Variants in AFG1L observed in about 807,000 individuals in gnomAD.
AFG1L encodes AFG1-like ATPase.
A neutral mutation model predicts 62.2 loss-of-function variants in AFG1L; 53 were observed. The observed-to-expected ratio is 0.85, with a 90% confidence interval of 0.68 to 1.07. AFG1L has a LOEUF of 1.07. AFG1L is among the 50% of genes least tolerant of loss of function. The pLI is 0.00. For missense variants in AFG1L, 555 were observed against 590.5 expected (o/e 0.94, Z 0.62); for synonymous variants, 228 against 210.3 (o/e 1.08, Z -0.73).
At chr6:108,497,572 C>T (rs181166483) in intron 10 of AFG1L, among the ~76,000 whole-genome samples, 69 of 151,910 alleles carry the variant, frequency 4.5e-4, no homozygotes, top group Middle Eastern at 3.4e-3. Context: ...TAAAACGATA[C>T]CACAAAATTT....
chr6:108,320,386 A>C (rs1304237691), intron 1 of AFG1L, among the ~76,000 whole-genome samples: 1 of 152,226 alleles, frequency 6.6e-6, no homozygotes, highest in African/African-American at 2.4e-5. Flanking sequence ...AACAGAAAAG[A>C]ATGTTAGCTC....
chr6:108,305,064 A>G (rs575464452), intron 1 of AFG1L, among the ~76,000 whole-genome samples: 93 of 152,372 alleles, frequency 6.1e-4, no homozygotes, highest in African/African-American at 2.2e-3. Context: ...GAAAACTGTA[A>G]GAAATGTTAC....
At chr6:108,453,724 GC>G (rs1209075003) in intron 8 of AFG1L, among the ~76,000 whole-genome samples, 2 of 152,140 alleles carry the variant, frequency 1.3e-5, no homozygotes, top group Admixed American at 1.3e-4. Context: ...CTAAACTTTG[GC>G]TGAGACCCAG....
intron 10 of AFG1L, among the ~76,000 whole-genome samples, chr6:108,505,581 T>A (rs1257782120): frequency 6.6e-6 from 1 of 152,124 alleles, no homozygotes; most frequent in Non-Finnish European, 1.5e-5. Context: ...TCAAAGAACT[T>A]TTTTTAAAAA....
At chr6:108,394,583 AT>A (rs1213750035) in intron 6 of AFG1L, among the ~76,000 whole-genome samples, 1 of 152,050 alleles carries the variant, frequency 6.6e-6, no homozygotes, top group Non-Finnish European at 1.5e-5. Context: ...GTATGTACTC[AT>A]TTTTTTGGTC....
chr6:108,479,644 A>G (rs537051206), intron 10 of AFG1L, among the ~76,000 whole-genome samples: 2 of 152,330 alleles, frequency 1.3e-5, no homozygotes, highest in East Asian at 3.9e-4. Context: ...CATGAAGAGG[A>G]CAATTGAAAT....
chr6:108,499,187 G>C (rs931369338), intron 10 of AFG1L, among the ~76,000 whole-genome samples: 14 of 150,198 alleles, frequency 9.3e-5, no homozygotes, highest in Non-Finnish European at 1.9e-4. Context: ...TCTCACCTCA[G>C]CCTCCCAAGT....
chr6:108,486,979 G>A (rs957761778), intron 10 of AFG1L, among the ~76,000 whole-genome samples: 2 of 152,134 alleles, frequency 1.3e-5, no homozygotes, highest in Non-Finnish European at 2.9e-5. Flanking sequence ...TGTTGGGATT[G>A]TGGGCATGAG....
intron 5 of AFG1L, among the ~76,000 whole-genome samples, chr6:108,361,951 A>G (rs1481650669): frequency 3.3e-5 from 5 of 152,202 alleles, no homozygotes; most frequent in Non-Finnish European, 7.3e-5. Context: ...ACTTGAAGGC[A>G]TGAATCTTTA....
At chr6:108,519,105 A>G (rs908243728) in intron 11 of AFG1L, among the ~76,000 whole-genome samples, 2 of 152,216 alleles carry the variant, frequency 1.3e-5, no homozygotes, top group Non-Finnish European at 2.9e-5. Context: ...AGGAGCCAGC[A>G]GGTTTGGGTG....
intron 7 of AFG1L, among the ~76,000 whole-genome samples, chr6:108,425,767 T>A (rs542809115): frequency 6.6e-6 from 1 of 152,172 alleles, no homozygotes; most frequent in Non-Finnish European, 1.5e-5. Context: ...GATAAGGAAC[T>A]CTTTATCTTT....
chr6:108,422,051 T>C (rs2114690546), intron 7 of AFG1L, among the ~76,000 whole-genome samples: 1 of 152,228 alleles, frequency 6.6e-6, no homozygotes, highest in East Asian at 1.9e-4. Context: ...TAGATTGTTT[T>C]TGGAAAGAAC....
At chr6:108,444,565 G>T (rs1771683714) in intron 7 of AFG1L, among the ~76,000 whole-genome samples, 1 of 152,184 alleles carries the variant, frequency 6.6e-6, no homozygotes, top group Non-Finnish European at 1.5e-5. Flanking sequence ...CTTGATTCAT[G>T]CATGGGCTGC....
intron 7 of AFG1L, among the ~76,000 whole-genome samples, chr6:108,425,741 C>T (rs1478438781): frequency 1.3e-5 from 2 of 151,978 alleles, no homozygotes; most frequent in African/African-American, 2.4e-5. Flanking sequence ...TAATTATATT[C>T]CCAATTGCTC....
In AFG1L at chr6:108,501,611, A is replaced by G. The variant is rs117867069; in HGVS notation, c.1063-8601A>G. Among the ~76,000 whole-genome samples the G allele has an allele frequency of 2.2e-3, 334 of 152,298 alleles. 1 individual carries two copies. Among genetic ancestry groups the G allele is most frequent in the Non-Finnish European group, 2.8e-3 (193 of 68,028 alleles). On this transcript the variant is annotated intron_variant, in intron 10 of 12. Coordinates refer to ENST00000368977, the MANE Select transcript of AFG1L (RefSeq NM_145315.5). ...GACTTCATCTCTCCTTTAAGTCCTT[A>G]GAGTCCTCTCTATTCACCTGCAGAT... is the stretch of plus-strand genomic sequence containing the variant.
At chr6:108,334,155 C>T (rs1482633220) in intron 2 of AFG1L, among the ~76,000 whole-genome samples, 7 of 152,016 alleles carry the variant, frequency 4.6e-5, no homozygotes, top group Non-Finnish European at 8.8e-5. Flanking sequence ...CTAAGGCATG[C>T]GCCACCACGC....
intron 7 of AFG1L, among the ~76,000 whole-genome samples, chr6:108,434,959 A>G (rs1320748301): frequency 2.0e-5 from 3 of 152,138 alleles, no homozygotes; most frequent in African/African-American, 7.2e-5. Flanking sequence ...TACTTGCCAC[A>G]TTTTTGGGGT....
chr6:108,337,597 C>T (rs940175673), intron 2 of AFG1L, among the ~76,000 whole-genome samples: 58 of 152,008 alleles, frequency 3.8e-4, no homozygotes, highest in African/African-American at 1.4e-3. Flanking sequence ...ACACAAAGGC[C>T]TAAGGTTAGC....
rs78289742 is a variant in AFG1L at position 108,315,233 on chromosome 6, G to A, written c.140-8592G>A. ...AGCACATACTCTACCTTGCTCATTT[G>A]CATCAACTATATAAACTTCCTTTCT... On this transcript the variant is annotated intron_variant, in intron 1 of 12. Transcript: ENST00000368977. 2.7e-3 allele frequency among the ~76,000 whole-genome samples: 412 copies of A among 152,198 alleles called. 4 individuals are homozygous for A. The East Asian group carries it at 0.036, about 13-fold the overall frequency.
Sources: gnomAD v4.1 joint callset for allele counts (sites outside exome capture counted in the v4.1 genomes callset) on GRCh38, gnomAD v4.1.1 for gene constraint, MANE v1.5 for transcripts, NCBI Gene and HGNC (gene_info 2026-07-23, HGNC 2026-07-21) for gene names.